Variants in DYNC1I2 observed in about 807,000 individuals in gnomAD.
The protein encoded by DYNC1I2 is cytoplasmic dynein 1 intermediate chain 2.
In DYNC1I2, 53 loss-of-function variants were observed where a neutral mutation model predicts 88.6. The observed-to-expected ratio is 0.60, with a 90% CI of 0.48 to 0.75. The LOEUF (loss-of-function observed/expected upper bound fraction) is 0.75, where lower values mean the gene tolerates loss of function less well. Ranked by LOEUF, DYNC1I2 falls within the 30% of genes least tolerant of loss-of-function variation. DYNC1I2 has a pLI of 0.00. For synonymous variants in DYNC1I2, 198 were observed against 254.6 expected (o/e 0.78, Z 2.12); for missense variants, 458 against 766.6 (o/e 0.60, Z 4.75).
chr2:171,714,852 G>A (rs1294936843), intron 6 of DYNC1I2, among the ~76,000 whole-genome samples: 2 of 151,992 alleles, frequency 1.3e-5, no homozygotes, highest in African/African-American at 2.4e-5. Flanking sequence ...CCAAATATAA[G>A]TAGAAAAAAA....
At position 171,725,613 on chromosome 2, in the gene DYNC1I2, T is replaced by TTTCAGA; in HGVS notation, c.512-4_512-3insTCAGAT. On this transcript the variant is annotated splice_polypyrimidine_tract_variant and splice_region_variant and intron_variant, in intron 7 of 17. Transcript: ENST00000397119. ...TTTTTTGTTTGTTTTTTTTTTTTTTTTCAGATGAAGAGGAAGATGATGATG... is the reference window on the plus strand; with the variant it reads ...TTTTTTGTTTGTTTTTTTTTTTTTTTTTCAGATCAGATGAAGAGGAAGATGATGATG... The TTTCAGA allele has an allele frequency of 6.9e-7, 1 of 1,454,392 alleles. No individual in the cohort carries two copies. Among genetic ancestry groups the TTTCAGA allele is most frequent in the Non-Finnish European group, 9.1e-7 (1 of 1,096,770 alleles). 90.1% of individuals were successfully genotyped at this position (1,454,392 alleles called of 1,614,324 possible). A position where few individuals can be genotyped will look rare whatever the true frequency, so the allele number is the denominator to read the frequency against.
intron 6 of DYNC1I2, among the ~76,000 whole-genome samples, chr2:171,715,075 T>C (rs749975614): frequency 2.0e-5 from 3 of 152,196 alleles, no homozygotes; most frequent in Non-Finnish European, 4.4e-5. Context: ...GCACATTTGT[T>C]CTAAAAAAAT....
chr2:171,712,542 A>G, intron 5 of DYNC1I2: 1 of 481,846 alleles, frequency 2.1e-6, no homozygotes, highest in Non-Finnish European at 3.6e-6. Context: ...TCTGGGTTGT[A>G]TGCTTGCATC....
intron 5 of DYNC1I2, among the ~76,000 whole-genome samples, chr2:171,707,996 C>A (rs942859552): frequency 5.3e-5 from 8 of 151,706 alleles, no homozygotes; most frequent in Non-Finnish European, 1.2e-4. Context: ...TTCAAAAGTT[C>A]AGTAAGATTT....
chr2:171,712,743 C>G (rs1380195875), intron 5 of DYNC1I2, 24 bp from the exon 6 acceptor site: 1 of 1,592,486 alleles, frequency 6.3e-7, no homozygotes, highest in African/African-American at 1.3e-5. Context: ...GCTAATGCTT[C>G]ATGGTTGTCC....
At chr2:171,715,721 AT>A (rs1687442698) in intron 7 of DYNC1I2, among the ~76,000 whole-genome samples, 1 of 152,148 alleles carries the variant, frequency 6.6e-6, no homozygotes, top group Non-Finnish European at 1.5e-5. Context: ...TTATTTTGTC[AT>A]TAATGTATAC....
At chr2:171,714,001 A>G (rs891009672) in intron 6 of DYNC1I2, among the ~76,000 whole-genome samples, 1 of 152,174 alleles carries the variant, frequency 6.6e-6, no homozygotes, top group Non-Finnish European at 1.5e-5. Context: ...CTCTGTATGC[A>G]TTCAAGTTGG....
At chr2:171,730,635 G>A (rs1035325895) in intron 15 of DYNC1I2, among the ~76,000 whole-genome samples, 8 of 151,642 alleles carry the variant, frequency 5.3e-5, no homozygotes, top group East Asian at 1.9e-4. Context: ...GTTTTTCTGC[G>A]GTATTAACAT....
rs1343416820 is a variant in DYNC1I2, at chr2:171,726,086, T to C, written c.770+5T>C. 2 of 1,571,082 alleles carry C rather than the reference T, an allele frequency of 1.3e-6. No homozygotes were observed. Among genetic ancestry groups the C allele is most frequent in the Non-Finnish European group, 1.7e-6 (2 of 1,162,654 alleles). On this transcript the variant is annotated splice_donor_5th_base_variant and intron_variant, in intron 9 of 17. Coordinates refer to ENST00000397119, the MANE Select transcript of DYNC1I2 (RefSeq NM_001378.3). Reference sequence around the variant, plus strand: ...AGATTTGGAAGACAAAGAAGGGTAATGTTTAGTTGCTAAGATTTTTAGCTT... The same window carrying C: ...AGATTTGGAAGACAAAGAAGGGTAACGTTTAGTTGCTAAGATTTTTAGCTT...
intron 15 of DYNC1I2, among the ~76,000 whole-genome samples, chr2:171,731,268 G>A (rs577598674): frequency 9.3e-4 from 142 of 152,282 alleles, no homozygotes; most frequent in South Asian, 2.9e-3. Flanking sequence ...AAAGAAATGC[G>A]TAATCTAGCT....
Position 171,725,985 on chromosome 2 carries a change from T to G in DYNC1I2, c.674T>G (p.Phe225Cys). The G allele has an allele frequency of 6.2e-7, 1 of 1,600,124 alleles. No homozygotes were observed. Among genetic ancestry groups the G allele is most frequent in the Non-Finnish European group, 8.5e-7 (1 of 1,176,284 alleles). ...QILHSEEFLSFFDHSTRIVER... is the reference protein window; with the variant it reads ...QILHSEEFLSCFDHSTRIVER... ...TTGCACTCTGAGGAATTTTTAAGTT[T>G]CTTTGACCATTCTACAAGAATTGTA... Residue 225 changes from phenylalanine (F) to cysteine (C), a missense_variant, in exon 9 of 18, where the codon TTC (phenylalanine) becomes TGC (cysteine). By Grantham distance (205) the Phe-to-Cys change is radical. This residue lies in a region of DYNC1I2 where 203 missense variants were observed against 354.2 expected (regional missense o/e 0.57). Transcript: ENST00000397119.
At chr2:171,694,987 C>A (rs758599353) in intron 3 of DYNC1I2, among the ~76,000 whole-genome samples, 7 of 152,188 alleles carry the variant, frequency 4.6e-5, no homozygotes, top group Non-Finnish European at 1.0e-4. Flanking sequence ...TCTTGAAAGA[C>A]CATTCTTTAG....
chr2:171,731,235 G>T (rs1003820202), intron 15 of DYNC1I2, among the ~76,000 whole-genome samples: 1 of 152,138 alleles, frequency 6.6e-6, no homozygotes, highest in Non-Finnish European at 1.5e-5. Context: ...AAAGGTAGAA[G>T]AAGATTCTCA....
chr2:171,715,401 A>T lies in DYNC1I2; in HGVS notation c.469A>T (p.Thr157Ser). ...TCCTCCTCGAGAAATTGTCACGTAT[A>T]CAAAGGAAACTCAGACTCCAGTTAT... ...DFPPREIVTY[T>S]KETQTPVMAQ... The change falls in exon 7 of 18, where the codon ACA (threonine) becomes TCA (serine). Residue 157 changes from threonine to serine, a missense_variant. Physicochemically the swap from Thr to Ser is moderately conservative, Grantham distance 58 (BLOSUM62 1). Around this residue, in one of 5 missense-constraint regions of DYNC1I2, gnomAD observed 203 missense variants for 354.2 expected, o/e 0.57. Transcript: ENST00000397119. 1 of 1,568,900 alleles carries T rather than the reference A, an allele frequency of 6.4e-7. No individual in the cohort carries two copies. Among genetic ancestry groups the T allele is most frequent in the Non-Finnish European group, 8.7e-7 (1 of 1,155,326 alleles).
chr2:171,735,870 G>A (rs551887124), intron 15 of DYNC1I2, among the ~76,000 whole-genome samples: 1 of 152,340 alleles, frequency 6.6e-6, no homozygotes, highest in South Asian at 2.1e-4. Flanking sequence ...CTTGGGACAA[G>A]ATGGATTTTG....
chr2:171,692,670 A>G, intron 2 of DYNC1I2, 107 bp from the exon 3 acceptor site: 2 of 694,684 alleles, frequency 2.9e-6, no homozygotes, highest in South Asian at 4.4e-5. Context: ...CTCAAAACTA[A>G]GTTCATGCCT....
chr2:171,687,693 C>T (rs930088124), intron 1 of DYNC1I2, 66 bp downstream of exon 1: 1 of 152,264 alleles, frequency 6.6e-6, no homozygotes, highest in Non-Finnish European at 1.5e-5. Context: ...GGAGCGACCT[C>T]GTTCTGGTGA....
intron 3 of DYNC1I2, among the ~76,000 whole-genome samples, chr2:171,697,873 AAAG>A (rs1685904927): frequency 6.6e-6 from 1 of 152,018 alleles, no homozygotes; most frequent in Non-Finnish European, 1.5e-5. Context: ...AAAGAAAAGA[AAAG>A]AAAAGAAAAG....
At chr2:171,700,210 C>T (rs770993444) in intron 3 of DYNC1I2, among the ~76,000 whole-genome samples, 3 of 152,158 alleles carry the variant, frequency 2.0e-5, no homozygotes, top group African/African-American at 7.2e-5. Context: ...TTCCCATCCT[C>T]GTGGGCCACT....
Sources: gnomAD v4.1 joint callset for allele counts (sites outside exome capture counted in the v4.1 genomes callset) on GRCh38, gnomAD v4.1.1 for gene constraint, gnomAD v4.1.1 regional missense constraint, MANE v1.5 for transcripts, NCBI Gene and HGNC (gene_info 2026-07-23, HGNC 2026-07-21) for gene names.